The following TNRC18 variants were observed in gnomAD, a reference collection of about 807,000 sequenced individuals.
TNRC18 encodes the protein trinucleotide repeat-containing gene 18 protein.
A neutral mutation model predicts 226.7 loss-of-function variants in TNRC18; 69 were observed. That is an observed-to-expected ratio of 0.30 (90% CI 0.25 to 0.37). The LOEUF (loss-of-function observed/expected upper bound fraction) is 0.37. Among genes scored for constraint, TNRC18 ranks in the 10% least tolerant of loss-of-function variants. TNRC18 has a pLI of 1.00. For synonymous variants in TNRC18, 2,449 were observed against 1,927.6 expected (o/e 1.27, Z -7.09); for missense variants, 4,754 against 4,256.6 (o/e 1.12, Z -3.25).
At chr7:5,341,824 C>T (rs1030730882) in intron 18 of TNRC18, among the ~76,000 whole-genome samples, 1 of 150,306 alleles carries the variant, frequency 6.7e-6, no homozygotes, top group East Asian at 2.0e-4. Flanking sequence ...CAGTTCACAG[C>T]ATGATTTACT....
At chr7:5,389,389 C>G in intron 4 of TNRC18, 53 bp from the exon 5 acceptor site, 1 of 1,225,952 alleles carries the variant, frequency 8.2e-7, no homozygotes, top group Non-Finnish European at 1.0e-6. Context: ...CCCTCCCACC[C>G]CTGCCTGGGC....
intron 16 of TNRC18, among the ~76,000 whole-genome samples, chr7:5,355,242 G>A (rs868290101): frequency 6.6e-6 from 1 of 152,198 alleles, no homozygotes; most frequent in Non-Finnish European, 1.5e-5. Context: ...GCCACAAGAG[G>A]CCATAACCAT....
intron 18 of TNRC18, among the ~76,000 whole-genome samples, chr7:5,334,015 G>C (rs1789829801): frequency 6.6e-6 from 1 of 152,184 alleles, no homozygotes; most frequent in African/African-American, 2.4e-5. Flanking sequence ...AGATGGCACT[G>C]CTCCCCAGGA....
At chr7:5,333,373 C>G (rs549954144) in intron 18 of TNRC18, among the ~76,000 whole-genome samples, 45 of 152,332 alleles carry the variant, frequency 3.0e-4, no homozygotes, top group African/African-American at 1.1e-3. Context: ...CTGGGCAGGA[C>G]GGGCCCCACA....
intron 2 of TNRC18, chr7:5,420,447 G>A (rs999007679): frequency 2.2e-6 from 1 of 454,348 alleles, no homozygotes; most frequent in Non-Finnish European, 4.4e-6. Flanking sequence ...TCCTACCGGG[G>A]TGCAGGTTCC....
At chr7:5,361,826 G>C in intron 13 of TNRC18, 71 bp downstream of exon 13, 1 of 1,511,910 alleles carries the variant, frequency 6.6e-7, no homozygotes, top group Non-Finnish European at 8.8e-7. Flanking sequence ...ACACCTCGAC[G>C]GCTGCTGCGC....
At chr7:5,363,208 C>T (rs922711785) in intron 11 of TNRC18, among the ~76,000 whole-genome samples, 3 of 152,046 alleles carry the variant, frequency 2.0e-5, no homozygotes, top group African/African-American at 7.2e-5. Flanking sequence ...GAGACTAAGG[C>T]GGGAGAACCA....
intron 19 of TNRC18, among the ~76,000 whole-genome samples, chr7:5,332,263 C>T (rs1164475159): frequency 6.6e-6 from 1 of 152,122 alleles, no homozygotes; most frequent in African/African-American, 2.4e-5. Flanking sequence ...ATAGCGAGAT[C>T]CCCTCTCTAC....
Position 5,312,533 on chromosome 7 carries a change from C to T in TNRC18, c.8358G>A (p.Gln2786=). 1 of 1,611,266 alleles carries T rather than the reference C, an allele frequency of 6.2e-7. No individual in the cohort carries two copies. Among genetic ancestry groups the T allele is most frequent in the Admixed American group, 1.7e-5 (1 of 59,988 alleles). The stretch of plus-strand genomic sequence containing the variant: ...TGGGCTTGCCGAACCACTTCCAGAG[C>T]TGCCGGGCTGGCAGGAAGGCGGCGA... ...PKIAAFLPAR[Q]LWKWFGKPTQ... is the part of the protein sequence containing the mutation. The change falls in exon 27 of 30, where the codon CAG becomes CAA. Residue 2786 remains glutamine (Q), a synonymous_variant. Transcript: ENST00000430969. This position sits in a 1 kb window ranked among gnomAD's most constrained non-coding sequence, Gnocchi z 6.3.
intron 18 of TNRC18, among the ~76,000 whole-genome samples, chr7:5,339,842 T>C (rs1162244454): frequency 6.6e-6 from 1 of 151,450 alleles, no homozygotes; most frequent in Non-Finnish European, 1.5e-5. Context: ...AGTGCTGGGA[T>C]GACAGGCATG....
At chr7:5,381,581 C>T (rs1699126309) in intron 5 of TNRC18, among the ~76,000 whole-genome samples, 1 of 152,050 alleles carries the variant, frequency 6.6e-6, no homozygotes, top group Admixed American at 6.6e-5. Flanking sequence ...GCCATGACTG[C>T]ACCACTGAAC....
chr7:5,350,527 T>G (rs1179131540), intron 17 of TNRC18, among the ~76,000 whole-genome samples: 1 of 151,770 alleles, frequency 6.6e-6, no homozygotes, highest in Non-Finnish European at 1.5e-5. Context: ...CCTCAGGGAG[T>G]AGCTGACATC....
In TNRC18 at chr7:5,315,166, G is replaced by C. The variant is rs114980970; in HGVS notation, c.6863-18C>G. ...CTCAGCACCTGTGGGGCAGAGGACA[G>C]AGTGGCTCATCAGGCCTGGGGTCCC... On this transcript the variant is annotated intron_variant, in intron 25 of 29. Coordinates refer to ENST00000430969, the MANE Select transcript of TNRC18 (RefSeq NM_001080495.3). 2 of 1,608,078 alleles carry C rather than the reference G, an allele frequency of 1.2e-6. No homozygotes were observed. The highest frequency in any genetic ancestry group is 1.1e-5 in the South Asian group (1 of 90,406).
chr7:5,387,060 G>A (rs980889546), intron 5 of TNRC18, among the ~76,000 whole-genome samples: 2 of 152,156 alleles, frequency 1.3e-5, no homozygotes, highest in Admixed American at 1.3e-4. Flanking sequence ...GGCAACAAGA[G>A]TGAAACTCCG....
At position 5,324,089 on chromosome 7, in the gene TNRC18, CT is replaced by C. The variant is rs1268291567; in HGVS notation, c.6442+124del. ...CCCGGATAACTCAGCCTCAGGATCT[CT>C]GCTCCTGTGGTTCCCTGCCCCCAGC... is the stretch of plus-strand genomic sequence containing the variant. On this transcript the variant is annotated intron_variant, in intron 21 of 29. Transcript: ENST00000430969. This position sits in a 1 kb window ranked among gnomAD's most constrained non-coding sequence, Gnocchi z 4.8. 1 of 1,104,292 alleles carries C rather than the reference CT, an allele frequency of 9.1e-7. No individual in the cohort carries two copies. Among genetic ancestry groups the C allele is most frequent in the African/African-American group, 1.6e-5 (1 of 63,434 alleles). 68.4% of individuals were successfully genotyped at this position (1,104,292 alleles called of 1,614,324 possible). A position where few individuals can be genotyped will look rare whatever the true frequency, so the allele number is the denominator to read the frequency against.
At chr7:5,353,840 T>C (rs1792083412) in intron 16 of TNRC18, among the ~76,000 whole-genome samples, 1 of 152,198 alleles carries the variant, frequency 6.6e-6, no homozygotes, top group Non-Finnish European at 1.5e-5. Flanking sequence ...CACTGCTCCA[T>C]GAGTCCGTTT....
At position 5,361,677 on chromosome 7, in the gene TNRC18, A is replaced by G; in HGVS notation, c.4578T>C (p.Pro1526=). 1 of 1,565,574 alleles carries G rather than the reference A, an allele frequency of 6.4e-7. No homozygotes were observed. Among genetic ancestry groups the G allele is most frequent in the Non-Finnish European group, 8.7e-7 (1 of 1,155,964 alleles). ...EPHRSLARRG[P]GRPRKRTHAP... is the part of the protein sequence containing the mutation. ...CGTGGGTCCGTTTCCGCGGCCTGCCAGGGCCTCTGCGTGCCAAGCTTCTAT... is the reference window on the plus strand; with the variant it reads ...CGTGGGTCCGTTTCCGCGGCCTGCCGGGGCCTCTGCGTGCCAAGCTTCTAT... Residue 1526 remains proline, a synonymous_variant, in exon 14 of 30, where the codon CCT becomes CCC. Coordinates refer to ENST00000430969, the MANE Select transcript of TNRC18 (RefSeq NM_001080495.3).
chr7:5,320,700 G>T, intron 22 of TNRC18, 93 bp from the exon 23 acceptor site: 2 of 1,030,786 alleles, frequency 1.9e-6, no homozygotes, highest in Non-Finnish European at 2.9e-6. Flanking sequence ...CTAGACCACT[G>T]GGAGGTAACA....
intron 2 of TNRC18, among the ~76,000 whole-genome samples, chr7:5,406,692 A>C (rs558754945): frequency 1.6e-4 from 24 of 151,986 alleles, no homozygotes; most frequent in Admixed American, 1.2e-3. Context: ...CTCTACTAAA[A>C]ATACAAAAAT....
Sources: gnomAD v4.1 joint callset for allele counts (sites outside exome capture counted in the v4.1 genomes callset) on GRCh38, gnomAD v4.1.1 for gene constraint, Gnocchi (gnomAD v3.1) non-coding constraint, MANE v1.5 for transcripts, NCBI Gene and HGNC (gene_info 2026-07-23, HGNC 2026-07-21) for gene names.